SH3TC1: variants seen among roughly 807,000 people sequenced by gnomAD.
The protein encoded by SH3TC1 is SH3 domain and tetratricopeptide repeats 1, also known as SH3 domain and tetratricopeptide repeat-containing protein 1.
SH3TC1 carries 135 observed loss-of-function variants against 117.3 expected under a neutral mutation model. The ratio of observed to expected loss-of-function variants is 1.15; its 90% CI spans 1.00 to 1.33. The LOEUF is 1.33. SH3TC1 is among the 40% of genes most tolerant of loss of function. The pLI is 0.00. For synonymous variants in SH3TC1, 898 were observed against 816.9 expected, an observed-to-expected ratio of 1.10 and a Z score of -1.69; for missense variants, 2,092 against 1,794.3, an observed-to-expected ratio of 1.17 and a Z score of -3.00.
At chr4:8,217,747 G>C (rs1484357685) in intron 7 of SH3TC1, among the ~76,000 whole-genome samples, 1 of 152,246 alleles carries the variant, frequency 6.6e-6, no homozygotes, top group African/African-American at 2.4e-5. Flanking sequence ...CTGGCCAGTG[G>C]TGTCCCAACA....
At chr4:8,237,297 G>A (rs578035166) in intron 16 of SH3TC1, 177 bp from the exon 17 acceptor site, 2 of 544,482 alleles carry the variant, frequency 3.7e-6, no homozygotes, top group South Asian at 5.8e-5. Context: ...GTAGATGGGG[G>A]CAGGCCTTAT....
At chr4:8,238,345 T>C (rs1722007964) in intron 17 of SH3TC1, among the ~76,000 whole-genome samples, 1 of 152,118 alleles carries the variant, frequency 6.6e-6, no homozygotes, top group African/African-American at 2.4e-5. Context: ...GGACCTGTGC[T>C]CCCTCTGCGC....
chr4:8,237,019 C>A (rs1269259828), intron 16 of SH3TC1: 1 of 170,382 alleles, frequency 5.9e-6, no homozygotes, highest in Non-Finnish European at 1.2e-5. Context: ...GGGGAGGACA[C>A]CGGAGACAGC....
Position 8,225,158 on chromosome 4 carries a change from CT to C in SH3TC1, c.1244-13del. The C allele has an allele frequency of 6.2e-7, 1 of 1,613,716 alleles. No homozygotes were observed. On this transcript the variant is annotated splice_polypyrimidine_tract_variant and intron_variant, in intron 10 of 17. Transcript: ENST00000245105. The surrounding 1 kb of genome is among the most constrained non-coding windows in gnomAD (Gnocchi z 5.5). The stretch of plus-strand genomic sequence containing the variant: ...CTGGCTGGGGGTGTTGATTGCTTCT[CT>C]TTTCTCCCTTGCCAGACTCAGTAGA...
In SH3TC1 at chr4:8,216,999, T is replaced by C. The variant is rs773414467; in HGVS notation, c.671T>C (p.Met224Thr). ...TGTCCTGACCACCATGTGAGAGTGA[T>C]GACGGGTCCCCGGGATGCAGGAAAT... is the stretch of plus-strand genomic sequence containing the variant. ...VLCPDHHVRV[M>T]TGPRDAGNGP... Residue 224 changes from methionine (M) to threonine (T), a missense_variant, in exon 7 of 18, where the codon ATG becomes ACG. Transcript: ENST00000245105. 8 of 1,613,800 alleles carry C rather than the reference T, an allele frequency of 5.0e-6. No homozygotes were observed. In the East Asian group the frequency reaches 6.7e-5, roughly 13 times the overall value.
chr4:8,194,317 G>A (rs1196113577), upstream of SH3TC1, among the ~76,000 whole-genome samples: 1 of 152,218 alleles, frequency 6.6e-6, no homozygotes, highest in African/African-American at 2.4e-5. Context: ...TAGCTTCTTT[G>A]AGCGACCTGG....
intron 7 of SH3TC1, among the ~76,000 whole-genome samples, chr4:8,217,870 C>T (rs559229076): frequency 6.6e-6 from 1 of 152,232 alleles, no homozygotes; most frequent in Non-Finnish European, 1.5e-5. Context: ...GTGATCTGTC[C>T]AGGTTATATG....
chr4:8,184,093 G>A (rs1036239316), intron 1 of SH3TC1, among the ~76,000 whole-genome samples: 41 of 152,084 alleles, frequency 2.7e-4, no homozygotes, highest in Admixed American at 2.5e-3. Flanking sequence ...GAGCATGAAG[G>A]CATATATGTG....
chr4:8,219,236 G>T, intron 8 of SH3TC1, 99 bp from the exon 9 acceptor site: 1 of 1,237,968 alleles, frequency 8.1e-7, no homozygotes, highest in Non-Finnish European at 1.1e-6. Context: ...ACCAAAAGAT[G>T]AATTCCCCAT....
At chr4:8,189,537 G>C (rs996578966) in intron 1 of SH3TC1, among the ~76,000 whole-genome samples, 7 of 152,228 alleles carry the variant, frequency 4.6e-5, no homozygotes, top group Non-Finnish European at 1.0e-4. Context: ...GGGTGGCCAG[G>C]GCCCCGCCAG....
In SH3TC1 at chr4:8,183,203, C is replaced by T. The variant is rs564479320; in HGVS notation, c.-57+993C>T. Among the ~76,000 whole-genome samples, 3 of 152,186 alleles carry T rather than the reference C, an allele frequency of 2.0e-5. No individual in the cohort carries two copies. The highest frequency in any genetic ancestry group is 2.9e-5 in the Non-Finnish European group (2 of 68,032). On this transcript the variant is annotated intron_variant, in intron 1 of 16. Transcript: ENST00000508641. The surrounding 1 kb of genome is among the most constrained non-coding windows in gnomAD (Gnocchi z 5.4). Reference sequence around the variant, plus strand: ...CCTCTGTGGCAGCAGCAGCCCCAGGCGAGTTCTGTTCACTACGAAGGAGCC... The same window carrying T: ...CCTCTGTGGCAGCAGCAGCCCCAGGTGAGTTCTGTTCACTACGAAGGAGCC...
In SH3TC1 at chr4:8,240,901, T is replaced by A; in HGVS notation, c.3957T>A (p.Pro1319=). The change falls in exon 18 of 18, where the codon CCT becomes CCA. Residue 1319 remains proline (P), a synonymous_variant. Transcript: ENST00000245105. ...TELNVRRVNL[P]PLPLCGWAPW... is the part of the protein sequence containing the mutation. ...TCAACGTCCGCAGGGTCAACCTGCCTCCTCTGCCACTCTGCGGGTGGGCCC... is the reference window on the plus strand; with the variant it reads ...TCAACGTCCGCAGGGTCAACCTGCCACCTCTGCCACTCTGCGGGTGGGCCC... 6.2e-7 allele frequency: 1 copy of A among 1,612,974 alleles called. No individual in the cohort carries two copies. The highest frequency in any genetic ancestry group is 8.5e-7 in the Non-Finnish European group (1 of 1,180,010).
chr4:8,232,794 G>A, intron 13 of SH3TC1: 5 of 1,287,984 alleles, frequency 3.9e-6, no homozygotes, highest in Non-Finnish European at 5.1e-6. Flanking sequence ...CGGGAGATCG[G>A]CTCCAGCCTT....
At chr4:8,231,416 G>A (rs1721195059) in intron 12 of SH3TC1, 1 of 155,726 alleles carries the variant, frequency 6.4e-6, no homozygotes, top group Admixed American at 6.2e-5. Context: ...GGTTTCTGGT[G>A]TTCATCTCCG....
At chr4:8,234,011 A>C (rs544981676) in intron 14 of SH3TC1, among the ~76,000 whole-genome samples, 1 of 77,150 alleles carries the variant, frequency 1.3e-5, no homozygotes, top group Non-Finnish European at 3.6e-5. Flanking sequence ...CCTTCCATTT[A>C]TCCATCCATC....
Position 8,227,814 on chromosome 4 carries a change from C to T in SH3TC1, c.2120C>T (p.Ser707Leu). ...DSGAPEAAWL[S>L]DCYLLLADIY... is the part of the protein sequence containing the mutation. ...GGAGCCCCAGAGGCCGCGTGGCTCTCAGACTGCTACCTACTCCTGGCTGAC... is the reference window on the plus strand; with the variant it reads ...GGAGCCCCAGAGGCCGCGTGGCTCTTAGACTGCTACCTACTCCTGGCTGAC... The change falls in exon 12 of 18, where the codon TCA (serine) becomes TTA (leucine). Residue 707 changes from serine to leucine, a missense_variant. Ser to Leu is a moderately radical substitution (Grantham distance 145, BLOSUM62 -2). Coordinates refer to ENST00000245105, the MANE Select transcript of SH3TC1 (RefSeq NM_018986.5). 6.2e-7 allele frequency: 1 copy of T among 1,612,810 alleles called. No homozygotes were observed. The highest frequency in any genetic ancestry group is 1.1e-5 in the South Asian group (1 of 91,086).
In SH3TC1 at chr4:8,235,540, T is replaced by C. The variant is rs1277615081; in HGVS notation, c.3390T>C (p.Ala1130=). ...FFDGAWEREK[A]VSFYRDRALP... Reference sequence around the variant, plus strand: ...ACGGGGCCTGGGAGCGGGAGAAAGCTGTGTCCTTCTACCGGGTGAGCTGGC... The same window carrying C: ...ACGGGGCCTGGGAGCGGGAGAAAGCCGTGTCCTTCTACCGGGTGAGCTGGC... The change falls in exon 15 of 18, where the codon GCT becomes GCC. Residue 1130 remains alanine (A), a synonymous_variant. Coordinates refer to ENST00000245105, the MANE Select transcript of SH3TC1 (RefSeq NM_018986.5). 6.2e-7 allele frequency: 1 copy of C among 1,601,314 alleles called. No individual in the cohort carries two copies. The highest frequency in any genetic ancestry group is 1.7e-5 in the Admixed American group (1 of 58,118).
In SH3TC1 at chr4:8,205,449, A is replaced by G. The variant is rs914500563; in HGVS notation, c.172+83A>G. ...CCGCCCCGTCCATCCATCCCTCACC[A>G]CCCTGCCTGCCTCCAGGCCTCTTGG... is the stretch of plus-strand genomic sequence containing the variant. On this transcript the variant is annotated intron_variant, in intron 2 of 17. Coordinates refer to ENST00000245105, the MANE Select transcript of SH3TC1 (RefSeq NM_018986.5). This position sits in a 1 kb window ranked among gnomAD's most constrained non-coding sequence, Gnocchi z 5.4. 1.7e-6 allele frequency: 2 copies of G among 1,211,252 alleles called. No homozygotes were observed. Among genetic ancestry groups the G allele is most frequent in the Admixed American group, 5.0e-5 (2 of 39,914 alleles). 75.0% of individuals were successfully genotyped at this position (1,211,252 alleles called of 1,614,324 possible).
upstream of SH3TC1, among the ~76,000 whole-genome samples, chr4:8,194,911 A>G (rs1324851811): frequency 6.6e-6 from 1 of 152,202 alleles, no homozygotes; most frequent in Non-Finnish European, 1.5e-5. Flanking sequence ...CTCACACCTT[A>G]GAAAGCCCCA....
Sources: gnomAD v4.1 joint callset for allele counts (sites outside exome capture counted in the v4.1 genomes callset) on GRCh38, gnomAD v4.1.1 for gene constraint, Gnocchi (gnomAD v3.1) non-coding constraint, MANE v1.5 for transcripts, NCBI Gene and HGNC (gene_info 2026-07-23, HGNC 2026-07-21) for gene names.